SLC39A8: variants seen among roughly 807,000 people sequenced by gnomAD.
SLC39A8 encodes the protein metal cation symporter ZIP8.
In SLC39A8, 15 loss-of-function variants were observed where a neutral mutation model predicts 40.4. The observed-to-expected ratio is 0.37, with a 90% CI of 0.25 to 0.57. The LOEUF (loss-of-function observed/expected upper bound fraction) is 0.57. Ranked by LOEUF, SLC39A8 falls within the 20% of genes least tolerant of loss-of-function variation. The pLI is 0.75. For missense variants in SLC39A8, 472 were observed against 558.8 expected, an observed-to-expected ratio of 0.84 and a Z score of 1.57; for synonymous variants, 223 against 221.6, an observed-to-expected ratio of 1.01 and a Z score of -0.06.
chr4:102,315,150 A>G (rs1211222989), intron 3 of SLC39A8, among the ~76,000 whole-genome samples: 2 of 152,132 alleles, frequency 1.3e-5, no homozygotes, highest in African/African-American at 4.8e-5. Context: ...TAAAGTACAT[A>G]TTCATGGAAA....
chr4:102,277,340 C>G (rs530052408), intron 6 of SLC39A8, among the ~76,000 whole-genome samples: 1 of 152,058 alleles, frequency 6.6e-6, no homozygotes, highest in African/African-American at 2.4e-5. Context: ...TCCTATACAC[C>G]AATAACAGAC....
chr4:102,271,950 G>C (rs981193900), intron 6 of SLC39A8, among the ~76,000 whole-genome samples: 2 of 152,150 alleles, frequency 1.3e-5, no homozygotes, highest in African/African-American at 4.8e-5. Flanking sequence ...AACACCCTGA[G>C]AGGTTGGAGT....
intron 6 of SLC39A8, among the ~76,000 whole-genome samples, chr4:102,288,071 G>A (rs1733259713): frequency 6.6e-6 from 1 of 151,978 alleles, no homozygotes; most frequent in Non-Finnish European, 1.5e-5. Context: ...TCACTTTATT[G>A]TGCTTCTCAG....
chr4:102,314,696 C>T (rs534251730), intron 3 of SLC39A8, among the ~76,000 whole-genome samples: 7 of 152,172 alleles, frequency 4.6e-5, no homozygotes, highest in African/African-American at 1.7e-4. Context: ...TCAGATGATA[C>T]CTCATCAGAG....
intron 3 of SLC39A8, among the ~76,000 whole-genome samples, chr4:102,308,157 G>C (rs949696791): frequency 2.0e-5 from 3 of 151,968 alleles, no homozygotes; most frequent in Non-Finnish European, 4.4e-5. Context: ...CCTCAGAGAA[G>C]GTGGCACCAG....
At chr4:102,304,862 T>C (rs1199117999) in intron 5 of SLC39A8, 127 bp downstream of exon 5, 1 of 794,258 alleles carries the variant, frequency 1.3e-6, no homozygotes, top group Non-Finnish European at 1.9e-6. Flanking sequence ...TTTGTTCTCC[T>C]TAAACTCACA....
intron 2 of SLC39A8, among the ~76,000 whole-genome samples, chr4:102,317,841 T>C (rs1393895248): frequency 2.6e-5 from 4 of 152,152 alleles, no homozygotes; most frequent in Non-Finnish European, 5.9e-5. Flanking sequence ...CCCTAATACC[T>C]GATGACTGTT....
intron 11 of SLC39A8, among the ~76,000 whole-genome samples, chr4:102,255,419 G>A (rs890477074): frequency 1.3e-5 from 2 of 152,274 alleles, no homozygotes; most frequent in African/African-American, 2.4e-5. Context: ...TCTCCAATCA[G>A]TCCCCATAGC....
At chr4:102,276,415 C>T (rs1178313923) in intron 6 of SLC39A8, among the ~76,000 whole-genome samples, 1 of 152,166 alleles carries the variant, frequency 6.6e-6, no homozygotes, top group Non-Finnish European at 1.5e-5. Context: ...TGGACACATA[C>T]AGCATCCCAA....
chr4:102,302,727 C>G (rs1327256021), intron 6 of SLC39A8, among the ~76,000 whole-genome samples: 1 of 151,944 alleles, frequency 6.6e-6, no homozygotes, highest in East Asian at 1.9e-4. Flanking sequence ...CTAAGTCATA[C>G]TCTCCTAATT....
intron 2 of SLC39A8, among the ~76,000 whole-genome samples, chr4:102,318,950 G>A (rs747326947): frequency 2.0e-5 from 3 of 152,196 alleles, no homozygotes; most frequent in South Asian, 2.1e-4. Flanking sequence ...TGTTCAGCGC[G>A]TTGACATTTT....
chr4:102,318,216 A>G (rs1273277592), intron 2 of SLC39A8, among the ~76,000 whole-genome samples: 1 of 152,186 alleles, frequency 6.6e-6, no homozygotes, highest in Non-Finnish European at 1.5e-5. Flanking sequence ...TAATACCATC[A>G]GATAGCTTAG....
chr4:102,325,258 A>T (rs1291437275), intron 2 of SLC39A8, among the ~76,000 whole-genome samples: 1 of 152,160 alleles, frequency 6.6e-6, no homozygotes, highest in Non-Finnish European at 1.5e-5. Context: ...CTCTAGGTTT[A>T]AGAGGTGGCC....
intron 3 of SLC39A8, among the ~76,000 whole-genome samples, chr4:102,311,251 A>C (rs1433457703): frequency 1.3e-5 from 2 of 152,130 alleles, no homozygotes; most frequent in Non-Finnish European, 2.9e-5. Flanking sequence ...TATTTCATAG[A>C]GTTATTACAA....
intron 6 of SLC39A8, among the ~76,000 whole-genome samples, chr4:102,283,575 A>G (rs1306238109): frequency 1.5e-5 from 2 of 136,658 alleles, no homozygotes; most frequent in African/African-American, 2.5e-5. Flanking sequence ...AATACTTCCA[A>G]TTGTTGAGGA....
At chr4:102,314,136 T>C (rs1484829396) in intron 3 of SLC39A8, among the ~76,000 whole-genome samples, 1 of 152,008 alleles carries the variant, frequency 6.6e-6, no homozygotes, top group Non-Finnish European at 1.5e-5. Context: ...ATCTCTCCGG[T>C]TTCTCTGGCT....
At chr4:102,333,949 A>C (rs1397338367) in intron 2 of SLC39A8, among the ~76,000 whole-genome samples, 2 of 152,188 alleles carry the variant, frequency 1.3e-5, no homozygotes, top group East Asian at 3.8e-4. Context: ...GCAAGGAAAG[A>C]ATGTGTTTCA....
At position 102,263,052 on chromosome 4, in the gene SLC39A8, A is replaced by C; in HGVS notation, c.1375T>G (p.Leu459Val). 1 of 1,607,240 alleles carries C rather than the reference A, an allele frequency of 6.2e-7. No homozygotes were observed. Among genetic ancestry groups the C allele is most frequent in the Non-Finnish European group, 8.5e-7 (1 of 1,176,068 alleles). The change falls in exon 9 of 9, where the codon TTG becomes GTG. Residue 459 changes from leucine (L) to valine (V), a missense_variant. By Grantham distance (32) the Leu-to-Val change is conservative. Around this residue, in one of 4 missense-constraint regions of SLC39A8, gnomAD observed 50 missense variants for 50.5 expected, o/e 0.99. Coordinates refer to ENST00000356736, the MANE Select transcript of SLC39A8 (RefSeq NM_001135146.2). ...CCATCTTCCATTTTCTATTACTCCA[A>C]TTCGATTTCTCCTGCATACAAGGTA... ...LITLYAGEIE[L>V]E is the part of the protein sequence containing the mutation.
intron 6 of SLC39A8, 28 bp downstream of exon 6, chr4:102,304,289 A>G: frequency 6.3e-7 from 1 of 1,578,750 alleles, no homozygotes; most frequent in Non-Finnish European, 8.7e-7. Context: ...ATGCAGTATA[A>G]TGAAGGAAAA....
Sources: gnomAD v4.1 joint callset for allele counts (sites outside exome capture counted in the v4.1 genomes callset) on GRCh38, gnomAD v4.1.1 for gene constraint, gnomAD v4.1.1 regional missense constraint, MANE v1.5 for transcripts, NCBI Gene and HGNC (gene_info 2026-07-23, HGNC 2026-07-21) for gene names.